The following SRGAP3 variants were observed in gnomAD, a reference collection of about 807,000 sequenced individuals.
SRGAP3 encodes the protein SLIT-ROBO Rho GTPase activating protein 3, also known as SLIT-ROBO Rho GTPase-activating protein 3.
SRGAP3 carries 39 observed loss-of-function variants against 121.1 expected under a neutral mutation model. That is an observed-to-expected ratio of 0.32 (90% CI 0.25 to 0.42). SRGAP3 has a LOEUF of 0.42. SRGAP3 is among the 10% of genes least tolerant of loss of function. SRGAP3 has a pLI of 1.00. For synonymous variants in SRGAP3, 601 were observed against 570.0 expected (o/e 1.05, Z -0.77); for missense variants, 1,213 against 1,470.6 (o/e 0.82, Z 2.86).
intron 1 of SRGAP3, among the ~76,000 whole-genome samples, chr3:9,224,346 T>C (rs894699083): frequency 6.6e-6 from 1 of 152,122 alleles, no homozygotes; most frequent in Non-Finnish European, 1.5e-5. Flanking sequence ...GAAAAGGGAA[T>C]AGAGGGAGGA....
intron 2 of SRGAP3, among the ~76,000 whole-genome samples, chr3:9,114,512 T>A (rs1437056038): frequency 1.3e-5 from 2 of 152,202 alleles, no homozygotes; most frequent in Non-Finnish European, 1.5e-5. Context: ...TCCCCCTTCA[T>A]CCCAGGGCAG....
Position 9,222,098 on chromosome 3 carries a change from G to C in SRGAP3, c.67+26787C>G, listed in dbSNP as rs79329579. Reference sequence around the variant, plus strand: ...CAGTGACTGGTTCAGGAATGGCCTAGGTTGATCCCTTCAGAGTTAGGGAGG... The same window carrying C: ...CAGTGACTGGTTCAGGAATGGCCTACGTTGATCCCTTCAGAGTTAGGGAGG... On this transcript the variant is annotated intron_variant, in intron 1 of 21. Coordinates refer to ENST00000383836, the MANE Select transcript of SRGAP3 (RefSeq NM_014850.4). 6.7e-3 allele frequency among the ~76,000 whole-genome samples: 1,022 copies of C among 152,276 alleles called. 9 individuals are homozygous for C. Among genetic ancestry groups the C allele is most frequent in the African/African-American group, 0.023 (964 of 41,548 alleles).
At chr3:9,288,078 T>G (rs575298093) in intron 3 of SRGAP3, among the ~76,000 whole-genome samples, 1 of 152,152 alleles carries the variant, frequency 6.6e-6, no homozygotes, top group African/African-American at 2.4e-5. Context: ...GAATACTAAT[T>G]ATACATTTCA....
At chr3:9,129,944 TAG>T (rs1199953707) in intron 1 of SRGAP3, among the ~76,000 whole-genome samples, 2 of 152,022 alleles carry the variant, frequency 1.3e-5, no homozygotes. Flanking sequence ...GTATTTTTAG[TAG>T]AGACAGGGTT....
At chr3:9,035,872 C>T (rs1944719679) in intron 11 of SRGAP3, 1 of 153,224 alleles carries the variant, frequency 6.5e-6, no homozygotes, top group African/African-American at 2.4e-5. Context: ...CCAGTCGGGC[C>T]CTTGGAGGCT....
intron 1 of SRGAP3, chr3:9,349,240 C>T (rs1476250399): frequency 6.8e-6 from 4 of 588,578 alleles, no homozygotes; most frequent in African/African-American, 5.5e-5. Flanking sequence ...CCCTGCCCAT[C>T]GCGTCCCCCT....
chr3:9,280,753 T>C (rs1160454017), intron 3 of SRGAP3, among the ~76,000 whole-genome samples: 1 of 152,208 alleles, frequency 6.6e-6, no homozygotes, highest in African/African-American at 2.4e-5. Context: ...AGAATCTGCT[T>C]TCTCTCCAAT....
At chr3:9,133,151 T>A (rs1949521487) in intron 1 of SRGAP3, among the ~76,000 whole-genome samples, 1 of 152,002 alleles carries the variant, frequency 6.6e-6, no homozygotes, top group Admixed American at 6.6e-5. Flanking sequence ...GAGCATATCA[T>A]TCACAGTGTT....
At chr3:9,006,954 C>CTTTTTTTTTT (rs891322969) in intron 18 of SRGAP3, 2 of 106,616 alleles carry the variant, frequency 1.9e-5, no homozygotes, top group Admixed American at 1.1e-4. Context: ...GGTATAGAAT[C>CTTTTTTTTTT]TTTTTTTTTT....
chr3:9,357,345 G>A lies in SRGAP3; in HGVS notation n.214+5495C>T, dbSNP rs146245283. ...GGGTATTTCATGTAAATGAAATCATGTAGGTATTTCATGTAGGTATTTCTC... is the reference window on the plus strand; with the variant it reads ...GGGTATTTCATGTAAATGAAATCATATAGGTATTTCATGTAGGTATTTCTC... On this transcript the variant is annotated intron_variant and non_coding_transcript_variant, in intron 1 of 3. Coordinates refer to the SRGAP3 transcript ENST00000490889. Among the ~76,000 whole-genome samples, 267 of 152,128 alleles carry A rather than the reference G, an allele frequency of 1.8e-3. 6 individuals carry two copies. In the East Asian group the frequency reaches 0.037, roughly 21 times the overall value.
chr3:8,993,171 G>C, intron 19 of SRGAP3, 116 bp from the exon 20 acceptor site: 1 of 1,519,830 alleles, frequency 6.6e-7, no homozygotes, highest in Non-Finnish European at 8.9e-7. Flanking sequence ...GTTACTTTGT[G>C]CCCACAGCGC....
intron 3 of SRGAP3, among the ~76,000 whole-genome samples, chr3:9,254,817 AAG>A (rs200376937): frequency 8.2e-5 from 12 of 145,836 alleles, no homozygotes; most frequent in South Asian, 2.3e-4. Context: ...AAGAAAGAAA[AAG>A]AGAGAGAGAG....
chr3:8,989,957 G>T (rs551170028), intron 21 of SRGAP3, among the ~76,000 whole-genome samples: 16 of 152,156 alleles, frequency 1.1e-4, no homozygotes, highest in Non-Finnish European at 2.4e-4. Flanking sequence ...AAATACTTTG[G>T]ACCATTCCTT....
intron 14 of SRGAP3, among the ~76,000 whole-genome samples, chr3:9,024,697 G>C (rs1944100014): frequency 6.6e-6 from 1 of 152,194 alleles, no homozygotes; most frequent in Non-Finnish European, 1.5e-5. Context: ...GGGTTGGAGG[G>C]AGTGTATAAT....
intron 3 of SRGAP3, among the ~76,000 whole-genome samples, chr3:9,281,476 T>C (rs1009531485): frequency 2.6e-5 from 4 of 152,210 alleles, no homozygotes; most frequent in African/African-American, 9.6e-5. Context: ...TCTTGGTTGT[T>C]AGACTCTGGG....
chr3:9,123,879 C>T (rs1560203568), intron 2 of SRGAP3, among the ~76,000 whole-genome samples: 1 of 151,532 alleles, frequency 6.6e-6, no homozygotes. Context: ...TCGCTGATCT[C>T]CTGGTGTTGA....
At chr3:9,229,511 C>T (rs1221570527) in intron 1 of SRGAP3, among the ~76,000 whole-genome samples, 1 of 152,154 alleles carries the variant, frequency 6.6e-6, no homozygotes, top group Non-Finnish European at 1.5e-5. Context: ...TGGAGAACAG[C>T]TCACCAGAAT....
intron 18 of SRGAP3, among the ~76,000 whole-genome samples, chr3:9,001,769 C>T (rs1942783851): frequency 6.6e-6 from 1 of 152,044 alleles, no homozygotes; most frequent in Admixed American, 6.6e-5. Context: ...AATGACTATA[C>T]TAATATCGAT....
intron 14 of SRGAP3, among the ~76,000 whole-genome samples, chr3:9,018,630 A>C (rs534444201): frequency 1.3e-5 from 2 of 152,320 alleles, no homozygotes; most frequent in African/African-American, 4.8e-5. Context: ...ATGGTGTGCA[A>C]CTCAATAAAG....
Sources: allele counts gnomAD v4.1 joint callset (sites outside exome capture counted in the v4.1 genomes callset), GRCh38; gene constraint gnomAD v4.1.1; transcripts MANE v1.5; gene names NCBI Gene and HGNC (gene_info 2026-07-23, HGNC 2026-07-21).